Variants in ITFG1 observed in about 807,000 individuals in gnomAD.
ITFG1 encodes T-cell immunomodulatory protein.
Under a neutral mutation model 81.8 loss-of-function variants are expected in ITFG1, and 34 were observed. That is an observed-to-expected ratio of 0.42 (90% CI 0.32 to 0.55). The LOEUF (loss-of-function observed/expected upper bound fraction) is 0.55, where lower values mean the gene tolerates loss of function less well. Among genes scored for constraint, ITFG1 ranks in the 20% least tolerant of loss-of-function variants. The pLI is 0.17. For missense variants in ITFG1, 672 were observed against 755.4 expected (o/e 0.89, Z 1.29); for synonymous variants, 285 against 270.6 (o/e 1.05, Z -0.52).
At chr16:47,307,093 CAAAAA>C (rs371103697) in intron 10 of ITFG1, among the ~76,000 whole-genome samples, 14 of 16,470 alleles carry the variant, frequency 8.5e-4, no homozygotes, top group African/African-American at 3.9e-3. Context: ...AACTCCGTCT[CAAAAA>C]AAAAAAAAAA....
chr16:47,216,730 C>T (rs1055785194), intron 14 of ITFG1, among the ~76,000 whole-genome samples: 4 of 150,030 alleles, frequency 2.7e-5, no homozygotes, highest in Non-Finnish European at 4.4e-5. Flanking sequence ...GGTGTGATCT[C>T]GGCTCACTGC....
Position 47,274,745 on chromosome 16 carries a change from G to GT in ITFG1, c.1071-14051dup, listed in dbSNP as rs199833989. On this transcript the variant is annotated intron_variant, in intron 10 of 17. Coordinates refer to ENST00000320640, the MANE Select transcript of ITFG1 (RefSeq NM_030790.5). ...CACTTCTATATATCCTTATATAGAC[G>GT]TAACAGCTTGTTACGTCTGCTAACA... Among the ~76,000 whole-genome samples the GT allele has an allele frequency of 7.6e-3, 1,152 of 152,158 alleles. 19 individuals are homozygous for GT. The highest frequency in any genetic ancestry group is 0.026 in the African/African-American group (1,093 of 41,522).
At chr16:47,166,765 T>C (rs200978677) in intron 14 of ITFG1, among the ~76,000 whole-genome samples, 6 of 152,212 alleles carry the variant, frequency 3.9e-5, no homozygotes, top group African/African-American at 1.2e-4. Context: ...ATGCTTTAGT[T>C]TGCACCCAAA....
chr16:47,439,248 T>C (rs1040743030), intron 5 of ITFG1, among the ~76,000 whole-genome samples: 1 of 152,180 alleles, frequency 6.6e-6, no homozygotes, highest in Non-Finnish European at 1.5e-5. Context: ...GGAACCAAGT[T>C]GGAAAACACC....
intron 10 of ITFG1, among the ~76,000 whole-genome samples, chr16:47,289,093 A>G (rs145626833): frequency 6.6e-5 from 10 of 152,208 alleles, no homozygotes; most frequent in African/African-American, 1.9e-4. Context: ...TCCTCTTTCG[A>G]TATTTATTGA....
At chr16:47,247,156 A>T (rs930654125) in intron 12 of ITFG1, among the ~76,000 whole-genome samples, 2 of 152,152 alleles carry the variant, frequency 1.3e-5, no homozygotes, top group Non-Finnish European at 2.9e-5. Flanking sequence ...TGAGTTAATG[A>T]AATTTGAAAA....
intron 12 of ITFG1, among the ~76,000 whole-genome samples, chr16:47,255,308 AT>A (rs1966127328): frequency 6.6e-6 from 1 of 152,242 alleles, no homozygotes; most frequent in Admixed American, 6.5e-5. Context: ...ACTGTCACTC[AT>A]CATGTGTTAC....
At chr16:47,386,829 G>C (rs1008828044) in intron 6 of ITFG1, among the ~76,000 whole-genome samples, 1 of 152,204 alleles carries the variant, frequency 6.6e-6, no homozygotes, top group Non-Finnish European at 1.5e-5. Context: ...ATTTAAAACA[G>C]AGTGTGGGGA....
intron 13 of ITFG1, among the ~76,000 whole-genome samples, chr16:47,232,555 G>A (rs1965826947): frequency 6.6e-6 from 1 of 152,000 alleles, no homozygotes; most frequent in African/African-American, 2.4e-5. Context: ...AGTAGGTGGT[G>A]GTATGGGTGA....
At chr16:47,445,410 C>G (rs1271189873) in intron 5 of ITFG1, among the ~76,000 whole-genome samples, 1 of 152,108 alleles carries the variant, frequency 6.6e-6, no homozygotes, top group East Asian at 1.9e-4. Context: ...CTCTCAGGCA[C>G]ATGAATTTTA....
intron 14 of ITFG1, among the ~76,000 whole-genome samples, chr16:47,188,572 A>G (rs1965254036): frequency 7.4e-6 from 1 of 135,420 alleles, no homozygotes; most frequent in African/African-American, 2.8e-5. Flanking sequence ...ATGAGAACAC[A>G]TGGACAGAGG....
intron 6 of ITFG1, among the ~76,000 whole-genome samples, chr16:47,383,774 C>T (rs1406437806): frequency 2.0e-5 from 3 of 152,194 alleles, no homozygotes; most frequent in Non-Finnish European, 2.9e-5. Context: ...CATGGTGGCG[C>T]ATGCCTGTAA....
At chr16:47,236,686 G>A (rs1007347245) in intron 13 of ITFG1, among the ~76,000 whole-genome samples, 2 of 152,024 alleles carry the variant, frequency 1.3e-5, no homozygotes, top group African/African-American at 4.8e-5. Context: ...TCACAAAGTG[G>A]GTAGATAATA....
intron 14 of ITFG1, among the ~76,000 whole-genome samples, chr16:47,163,531 A>C (rs576966629): frequency 1.3e-5 from 2 of 152,284 alleles, no homozygotes; most frequent in East Asian, 3.9e-4. Flanking sequence ...TGTTTCATTA[A>C]TTAATTTCAT....
intron 8 of ITFG1, among the ~76,000 whole-genome samples, chr16:47,329,836 G>A (rs965439213): frequency 2.0e-5 from 3 of 152,082 alleles, no homozygotes; most frequent in African/African-American, 7.2e-5. Context: ...CCTGCGTCGA[G>A]AGCCCATATT....
chr16:47,226,635 T>C (rs1410085558), intron 13 of ITFG1, among the ~76,000 whole-genome samples: 1 of 150,914 alleles, frequency 6.6e-6, no homozygotes, highest in Non-Finnish European at 1.5e-5. Context: ...TGGTTTTTTC[T>C]CCTTGCGACA....
chr16:47,409,031 G>A (rs796476140), intron 6 of ITFG1, among the ~76,000 whole-genome samples: 3 of 151,792 alleles, frequency 2.0e-5, no homozygotes, highest in African/African-American at 7.2e-5. Context: ...ACTTGTGAAA[G>A]AAAAAGAGCA....
At chr16:47,268,833 G>A (rs958565769) in intron 10 of ITFG1, among the ~76,000 whole-genome samples, 10 of 152,148 alleles carry the variant, frequency 6.6e-5, no homozygotes, top group Non-Finnish European at 1.2e-4. Context: ...ATTTATTGCA[G>A]GAATGCAAAG....
At chr16:47,383,035 C>A (rs1968414845) in intron 6 of ITFG1, among the ~76,000 whole-genome samples, 1 of 152,162 alleles carries the variant, frequency 6.6e-6, no homozygotes, top group African/African-American at 2.4e-5. Context: ...ATTTCCTCTA[C>A]CCCTGTGAGG....
Sources: allele counts gnomAD v4.1 joint callset (sites outside exome capture counted in the v4.1 genomes callset), GRCh38; gene constraint gnomAD v4.1.1; transcripts MANE v1.5; gene names NCBI Gene and HGNC (gene_info 2026-07-23, HGNC 2026-07-21).